The following ATG7 variants were observed in gnomAD, a reference collection of about 807,000 sequenced individuals.
ATG7 encodes ubiquitin-like modifier-activating enzyme ATG7.
In ATG7, 70 loss-of-function variants were observed where a neutral mutation model predicts 82.4. The observed-to-expected ratio is 0.85, with a 90% CI of 0.70 to 1.04. ATG7 has a LOEUF of 1.04. Ranked by LOEUF, ATG7 falls within the 50% of genes least tolerant of loss-of-function variation. The pLI is 0.00. For missense variants in ATG7, 792 were observed against 864.3 expected (o/e 0.92, Z 1.05); for synonymous variants, 287 against 313.0 (o/e 0.92, Z 0.88).
downstream of ATG7, among the ~76,000 whole-genome samples, chr3:11,562,237 T>C (rs2073090393): frequency 6.6e-6 from 1 of 152,112 alleles, no homozygotes; most frequent in Non-Finnish European, 1.5e-5. Context: ...CTCTCCTCAC[T>C]GGCTGCTGCC....
rs531644570 is a variant in ATG7 at position 11,373,190 on chromosome 3, A to G, written c.1876-6782A>G. Among the ~76,000 whole-genome samples, 10 of 141,372 alleles carry G rather than the reference A, an allele frequency of 7.1e-5. No homozygotes were observed. The East Asian group carries it at 1.9e-3, about 27-fold the overall frequency. The allele number at this position is 141,372 out of a possible 152,430, so 92.7% of individuals were successfully genotyped here. On this transcript the variant is annotated intron_variant, in intron 18 of 20. Coordinates refer to ENST00000693202, the MANE Select transcript of ATG7 (RefSeq NM_001349232.2). ...TATGACTAACTCCAAAAGGTAGAAA[A>G]TTTACTTTCAGCAAGAGGCTTTAGT...
At position 11,556,105 on chromosome 3, in the gene ATG7, C is replaced by T. The variant is rs1295263813; in HGVS notation, c.*1262C>T. 2 of 152,638 alleles carry T rather than the reference C, an allele frequency of 1.3e-5. No homozygotes were observed. Among genetic ancestry groups the T allele is most frequent in the African/African-American group, 4.8e-5 (2 of 41,422 alleles). The allele number at this position is 152,638 out of a possible 1,614,324, so 9.5% of individuals were successfully genotyped here. A position where few individuals can be genotyped will look rare whatever the true frequency, so the allele number is the denominator to read the frequency against. ...CACTTTATTATTGTTCTTAAGGCTA[C>T]TTTTAAGTACAAAAAAAGATGGCCT... On this transcript the variant is annotated 3_prime_UTR_variant, in exon 21 of 21. Coordinates refer to ENST00000693202, the MANE Select transcript of ATG7 (RefSeq NM_001349232.2).
rs757646106 is a variant in ATG7, at chr3:11,360,787, A to G, written c.1683+3A>G. 1.9e-6 allele frequency: 3 copies of G among 1,614,100 alleles called. No individual in the cohort carries two copies. The highest frequency in any genetic ancestry group is 2.5e-6 in the Non-Finnish European group (3 of 1,179,946). Reference sequence around the variant, plus strand: ...ATGATGTGGTGGCCCCAGGAGATGTAAGTGGATTTCTCTATAGTTCCAAAT... The same window carrying G: ...ATGATGTGGTGGCCCCAGGAGATGTGAGTGGATTTCTCTATAGTTCCAAAT... On this transcript the variant is annotated splice_donor_region_variant and intron_variant, in intron 16 of 20. Transcript: ENST00000693202.
intron 19 of ATG7, among the ~76,000 whole-genome samples, chr3:11,391,878 G>C (rs930141971): frequency 2.7e-5 from 4 of 147,458 alleles, no homozygotes; most frequent in Non-Finnish European, 5.9e-5. Context: ...CCAACTTCTT[G>C]TTCACTTTTC....
intron 20 of ATG7, among the ~76,000 whole-genome samples, chr3:11,443,558 T>G (rs1296718837): frequency 6.6e-6 from 1 of 152,128 alleles, no homozygotes; most frequent in Non-Finnish European, 1.5e-5. Context: ...GGCTAATTTT[T>G]TGTATCTTAG....
At chr3:11,570,557 A>G in the ATG7 span, among the ~76,000 whole-genome samples, 1 of 152,228 alleles carries the variant, frequency 6.6e-6, no homozygotes, top group Admixed American at 6.5e-5. Flanking sequence ...AGATGTTCTA[A>G]TAACTGTCCA....
At chr3:11,373,331 G>T (rs760518862) in intron 18 of ATG7, among the ~76,000 whole-genome samples, 31 of 152,130 alleles carry the variant, frequency 2.0e-4, no homozygotes, top group Non-Finnish European at 3.4e-4. Flanking sequence ...TAGAAAATGC[G>T]CAAAGAATTA....
intron 20 of ATG7, among the ~76,000 whole-genome samples, chr3:11,486,206 CTT>C (rs1057190980): frequency 6.6e-5 from 10 of 152,174 alleles, no homozygotes; most frequent in Non-Finnish European, 1.2e-4. Flanking sequence ...TTTGTGTCCT[CTT>C]TTATTTCATG....
chr3:11,358,151 A>G (rs956359214), intron 14 of ATG7, among the ~76,000 whole-genome samples: 2 of 152,106 alleles, frequency 1.3e-5, no homozygotes, highest in Non-Finnish European at 2.9e-5. Flanking sequence ...CTCAGGTAGG[A>G]TGTGCCCCCT....
intron 9 of ATG7, among the ~76,000 whole-genome samples, chr3:11,326,924 C>T (rs1191826941): frequency 1.3e-5 from 2 of 152,066 alleles, no homozygotes; most frequent in Non-Finnish European, 2.9e-5. Context: ...GCCATGAGAC[C>T]CTGTAATGTT....
At chr3:11,461,917 C>A (rs2086342872) in intron 20 of ATG7, among the ~76,000 whole-genome samples, 1 of 151,922 alleles carries the variant, frequency 6.6e-6, no homozygotes, top group Non-Finnish European at 1.5e-5. Context: ...GTAGTCCCAG[C>A]TACTCAGGAG....
At chr3:11,454,590 G>C (rs1027781582) in intron 20 of ATG7, among the ~76,000 whole-genome samples, 1 of 152,130 alleles carries the variant, frequency 6.6e-6, no homozygotes, top group African/African-American at 2.4e-5. Flanking sequence ...TTCCCTGAAG[G>C]TACCATTATC....
At chr3:11,354,136 A>G (rs932596069) in intron 14 of ATG7, among the ~76,000 whole-genome samples, 12 of 152,138 alleles carry the variant, frequency 7.9e-5, no homozygotes, top group Non-Finnish European at 1.5e-4. Context: ...AAACCCTTGC[A>G]TTTTATCTGC....
intron 19 of ATG7, among the ~76,000 whole-genome samples, chr3:11,395,812 C>T (rs891587713): frequency 2.6e-4 from 39 of 151,596 alleles, no homozygotes; most frequent in South Asian, 2.1e-4. Context: ...TGGTGGTGGG[C>T]GCCTGTAGTC....
At chr3:11,421,885 C>G (rs1268273956) in intron 19 of ATG7, among the ~76,000 whole-genome samples, 1 of 152,202 alleles carries the variant, frequency 6.6e-6, no homozygotes, top group Non-Finnish European at 1.5e-5. Flanking sequence ...CTTTGTACAT[C>G]TCCATCAGAC....
At chr3:11,330,472 G>A (rs1951490922) in intron 9 of ATG7, among the ~76,000 whole-genome samples, 1 of 152,070 alleles carries the variant, frequency 6.6e-6, no homozygotes. Flanking sequence ...TCTTACAGTT[G>A]GTGCCTGTAT....
chr3:11,380,356 G>A (rs2077793659), intron 19 of ATG7, among the ~76,000 whole-genome samples: 1 of 152,186 alleles, frequency 6.6e-6, no homozygotes, highest in South Asian at 2.1e-4. Flanking sequence ...CTCCCCAGAG[G>A]GTTCCCTCCT....
intron 19 of ATG7, among the ~76,000 whole-genome samples, chr3:11,399,451 G>A (rs182952530): frequency 4.6e-5 from 7 of 152,328 alleles, no homozygotes; most frequent in African/African-American, 1.7e-4. Flanking sequence ...AGATTTAGGT[G>A]AAAAATTATG....
At chr3:11,573,962 A>AG in the ATG7 span, among the ~76,000 whole-genome samples, 9 of 152,148 alleles carry the variant, frequency 5.9e-5, no homozygotes, top group Non-Finnish European at 8.8e-5. Context: ...ACACATACGG[A>AG]GGGAAGAAGA....
Sources: allele counts gnomAD v4.1 joint callset (sites outside exome capture counted in the v4.1 genomes callset), GRCh38; gene constraint gnomAD v4.1.1; transcripts MANE v1.5; gene names NCBI Gene and HGNC (gene_info 2026-07-23, HGNC 2026-07-21).